CARD14: variants seen among roughly 807,000 people sequenced by gnomAD.
CARD14 encodes caspase recruitment domain family member 14, also known as caspase recruitment domain-containing protein 14.
Under a neutral mutation model 111.5 loss-of-function variants are expected in CARD14, and 107 were observed. The observed-to-expected ratio is 0.96, with a 90% CI of 0.82 to 1.13. The LOEUF (loss-of-function observed/expected upper bound fraction) is 1.13. Ranked by LOEUF, CARD14 falls within the 50% of genes most tolerant of loss-of-function variation. CARD14 has a pLI of 0.00. For missense variants in CARD14, 1,322 were observed against 1,362.3 expected, an observed-to-expected ratio of 0.97 and a Z score of 0.47; for synonymous variants, 617 against 579.6, an observed-to-expected ratio of 1.06 and a Z score of -0.93.
chr17:80,188,616 T>C lies in CARD14; in HGVS notation c.843+72T>C. ...CTTGGCCCTCAGGCTGTGGGGTTTCTGACAGGTGGTTTAGTTAAGGTGAGG... is the reference window on the plus strand; with the variant it reads ...CTTGGCCCTCAGGCTGTGGGGTTTCCGACAGGTGGTTTAGTTAAGGTGAGG... On this transcript the variant is annotated intron_variant, in intron 8 of 23. Transcript: ENST00000648509. This position sits in a 1 kb window ranked among gnomAD's most constrained non-coding sequence, Gnocchi z 4.5. 1 of 1,353,806 alleles carries C rather than the reference T, an allele frequency of 7.4e-7. No homozygotes were observed. Among genetic ancestry groups the C allele is most frequent in the Non-Finnish European group, 9.6e-7 (1 of 1,043,424 alleles). 83.9% of individuals were successfully genotyped at this position (1,353,806 alleles called of 1,614,324 possible). A position where few individuals can be genotyped will look rare whatever the true frequency, so the allele number is the denominator to read the frequency against.
In CARD14 at chr17:80,203,960, G is replaced by A; in HGVS notation, c.2283+75G>A. ...GGGCTCGGTGCTGGCAGGGTGGCAGGAGGCACTGTGTGGAGAGTGGGCTGC... is the reference window on the plus strand; with the variant it reads ...GGGCTCGGTGCTGGCAGGGTGGCAGAAGGCACTGTGTGGAGAGTGGGCTGC... On this transcript the variant is annotated intron_variant, in intron 19 of 23. Coordinates refer to ENST00000648509, the MANE Select transcript of CARD14 (RefSeq NM_001366385.1). This position sits in a 1 kb window ranked among gnomAD's most constrained non-coding sequence, Gnocchi z 4.6. 1 of 1,250,488 alleles carries A rather than the reference G, an allele frequency of 8.0e-7. No individual in the cohort carries two copies. The highest frequency in any genetic ancestry group is 1.1e-6 in the Non-Finnish European group (1 of 884,578). 77.5% of individuals were successfully genotyped at this position (1,250,488 alleles called of 1,614,324 possible).
intron 2 of CARD14, among the ~76,000 whole-genome samples, chr17:80,178,090 G>T (rs1420462421): frequency 1.3e-5 from 2 of 152,132 alleles, no homozygotes; most frequent in African/African-American, 4.8e-5. Flanking sequence ...GCCCTCGATT[G>T]GTTCTCCTCT....
In CARD14 at chr17:80,184,135, T is replaced by C; in HGVS notation, c.572T>C (p.Val191Ala). 1 of 1,569,066 alleles carries C rather than the reference T, an allele frequency of 6.4e-7. No homozygotes were observed. Among genetic ancestry groups the C allele is most frequent in the Non-Finnish European group, 8.6e-7 (1 of 1,157,386 alleles). The change falls in exon 7 of 24, where the codon GTG (valine) becomes GCG (alanine). Residue 191 changes from valine to alanine, a missense_variant. Physicochemically the swap from Val to Ala is moderately conservative, Grantham distance 64. Coordinates refer to ENST00000648509, the MANE Select transcript of CARD14 (RefSeq NM_001366385.1). ...GAGGTTAGCGCACACTTCCATGAGG[T>C]GCTGAGGCTGAAGGACGAGATGCTC... is the stretch of plus-strand genomic sequence containing the variant. ...KREVSAHFHE[V>A]LRLKDEMLSL...
intron 2 of CARD14, among the ~76,000 whole-genome samples, chr17:80,174,247 C>G (rs991740744): frequency 1.3e-5 from 2 of 152,202 alleles, no homozygotes; most frequent in African/African-American, 4.8e-5. Context: ...GAGTCTCGGT[C>G]TGTCTCCCTG....
chr17:80,199,829 T>C (rs1205522612), intron 16 of CARD14, among the ~76,000 whole-genome samples: 1 of 151,714 alleles, frequency 6.6e-6, no homozygotes, highest in Non-Finnish European at 1.5e-5. Flanking sequence ...TGAGCTGAGA[T>C]GGTGCCACTG....
In CARD14 at chr17:80,208,314, A is replaced by T. The variant is rs1034254088; in HGVS notation, c.2984A>T (p.Lys995Met). 2 of 1,606,008 alleles carry T rather than the reference A, an allele frequency of 1.2e-6. No individual in the cohort carries two copies. Among genetic ancestry groups the T allele is most frequent in the Admixed American group, 1.7e-5 (1 of 58,908 alleles). ...CAGGCCATCGCCGACGAGCAGAAGAAGGTGGTGTGGACGGAGCAGAGCCCC... is the reference window on the plus strand; with the variant it reads ...CAGGCCATCGCCGACGAGCAGAAGATGGTGGTGTGGACGGAGCAGAGCCCC... Reference protein sequence around the residue: ...VRQAIADEQKKVVWTEQSPR With the variant: ...VRQAIADEQKMVVWTEQSPR The change falls in exon 24 of 24, where the codon AAG (lysine) becomes ATG (methionine). Residue 995 changes from lysine (K) to methionine (M), a missense_variant. Physicochemically the swap from Lys to Met is moderately conservative, Grantham distance 95 (BLOSUM62 -1). Transcript: ENST00000648509.
chr17:80,208,362 C>T lies in CARD14; in HGVS notation c.*17C>T. ...CCCCGATGATGCACCGTGCCCCTTC[C>T]CGGGACTGTGGGGGCTTCTGTGTGC... On this transcript the variant is annotated 3_prime_UTR_variant, in exon 24 of 24. Coordinates refer to ENST00000648509, the MANE Select transcript of CARD14 (RefSeq NM_001366385.1). 1 of 1,568,978 alleles carries T rather than the reference C, an allele frequency of 6.4e-7. No individual in the cohort carries two copies. Among genetic ancestry groups the T allele is most frequent in the Non-Finnish European group, 8.7e-7 (1 of 1,154,040 alleles).
At chr17:80,194,599 T>C (rs1598664257) in intron 12 of CARD14, among the ~76,000 whole-genome samples, 1 of 152,220 alleles carries the variant, frequency 6.6e-6, no homozygotes, top group South Asian at 2.1e-4. Context: ...AGAAGTTTAA[T>C]TGACTCACAG....
At chr17:80,191,231 A>T in intron 10 of CARD14, 92 bp from the exon 11 acceptor site, 3 of 1,474,196 alleles carry the variant, frequency 2.0e-6, no homozygotes, top group Non-Finnish European at 2.8e-6. Flanking sequence ...TGGATGTCAG[A>T]TGAGCGCAGG....
chr17:80,206,453 A>G (rs1401476937), intron 22 of CARD14, among the ~76,000 whole-genome samples: 4 of 152,218 alleles, frequency 2.6e-5, no homozygotes, highest in Non-Finnish European at 5.9e-5. Context: ...CGTCTCTACA[A>G]AACATTTAAA....
At chr17:80,180,763 TTTGTG>T (rs2040146325) in intron 4 of CARD14, among the ~76,000 whole-genome samples, 1 of 98,806 alleles carries the variant, frequency 1.0e-5, no homozygotes, top group African/African-American at 3.9e-5. Context: ...TGTTTGTTTG[TTTGTG>T]TGTTTGTTTA....
intron 2 of CARD14, among the ~76,000 whole-genome samples, chr17:80,173,686 C>T (rs2039962322): frequency 6.6e-6 from 1 of 151,762 alleles, no homozygotes; most frequent in Non-Finnish European, 1.5e-5. Flanking sequence ...GCAACCTCTG[C>T]CTCCCAGGTT....
Position 80,188,636 on chromosome 17 carries a change from G to A in CARD14, c.843+92G>A, listed in dbSNP as rs1478140264. 3 of 1,273,580 alleles carry A rather than the reference G, an allele frequency of 2.4e-6. No individual in the cohort carries two copies. Among genetic ancestry groups the A allele is most frequent in the Non-Finnish European group, 2.0e-6 (2 of 981,840 alleles). The allele number at this position is 1,273,580 out of a possible 1,614,324, so 78.9% of individuals were successfully genotyped here. A position where few individuals can be genotyped will look rare whatever the true frequency, so the allele number is the denominator to read the frequency against. On this transcript the variant is annotated intron_variant, in intron 8 of 23. Coordinates refer to ENST00000648509, the MANE Select transcript of CARD14 (RefSeq NM_001366385.1). The surrounding 1 kb of genome is among the most constrained non-coding windows in gnomAD (Gnocchi z 4.5). ...GTTTCTGACAGGTGGTTTAGTTAAGGTGAGGCTAAGAACAAGAGATGAAAT... is the reference window on the plus strand; with the variant it reads ...GTTTCTGACAGGTGGTTTAGTTAAGATGAGGCTAAGAACAAGAGATGAAAT...
Position 80,191,472 on chromosome 17 carries a change from G to C in CARD14, c.1239G>C (p.Val413=), listed in dbSNP as rs1432580970. The C allele has an allele frequency of 6.2e-7, 1 of 1,611,236 alleles. No individual in the cohort carries two copies. Among genetic ancestry groups the C allele is most frequent in the South Asian group, 1.1e-5 (1 of 91,036 alleles). The change falls in exon 11 of 24, where the codon GTG becomes GTC. Residue 413 remains valine (V), a splice_region_variant and synonymous_variant. Transcript: ENST00000648509. ...AGCTGCAGGCAGAGCCTCCGGGTGT[G>C]GTGAGTGTTCCCGGCTGACCCGAGC... ...LRQLQAEPPG[V]LKQEARTREP...
intron 7 of CARD14, 118 bp downstream of exon 7, chr17:80,184,356 G>A: frequency 1.1e-6 from 1 of 906,330 alleles, no homozygotes; most frequent in Non-Finnish European, 1.5e-6. Flanking sequence ...ACACTTCCCT[G>A]CCCCGAGAGC....
At chr17:80,186,905 G>A (rs1200344778) in intron 7 of CARD14, among the ~76,000 whole-genome samples, 1 of 152,056 alleles carries the variant, frequency 6.6e-6, no homozygotes, top group Non-Finnish European at 1.5e-5. Context: ...TCACTACTAG[G>A]GTGTCTTTGC....
At position 80,205,068 on chromosome 17, in the gene CARD14, T is replaced by C. The variant is rs1350403084; in HGVS notation, c.2432T>C (p.Leu811Pro). 1.9e-6 allele frequency: 3 copies of C among 1,609,908 alleles called. No homozygotes were observed. Among genetic ancestry groups the C allele is most frequent in the Non-Finnish European group, 2.5e-6 (3 of 1,177,836 alleles). ...SSTCFWAESC[L>P]TLVPYTLVRP... The stretch of plus-strand genomic sequence containing the variant: ...ACGTGCTTCTGGGCCGAGAGCTGCC[T>C]CACCCTGGTGCCCTATACCCTGGTG... The change falls in exon 21 of 24, where the codon CTC becomes CCC. Residue 811 changes from leucine (L) to proline (P), a missense_variant. By Grantham distance (98) the Leu-to-Pro change is moderately conservative. Coordinates refer to ENST00000648509, the MANE Select transcript of CARD14 (RefSeq NM_001366385.1).
In CARD14 at chr17:80,198,557, A is replaced by G. The variant is rs971601757; in HGVS notation, c.1817A>G (p.Gln606Arg). Residue 606 changes from glutamine (Q) to arginine (R), a missense_variant, in exon 16 of 24, where the codon CAG becomes CGG. Gln to Arg is a conservative substitution (Grantham distance 43). Coordinates refer to ENST00000648509, the MANE Select transcript of CARD14 (RefSeq NM_001366385.1). The surrounding 1 kb of genome is among the most constrained non-coding windows in gnomAD (Gnocchi z 7.5). The part of the protein sequence containing the change: ...HRVTPGSAAD[Q>R]MALRPGTQIV... ...GTCACCCCGGGCTCGGCGGCGGACC[A>G]GATGGCCTTGCGCCCGGGCACCCAG... 9 of 1,612,962 alleles carry G rather than the reference A, an allele frequency of 5.6e-6. No homozygotes were observed. The highest frequency in any genetic ancestry group is 7.6e-6 in the Non-Finnish European group (9 of 1,179,844).
Position 80,189,974 on chromosome 17 carries a change from C to G in CARD14, c.963+102C>G, listed in dbSNP as rs1010951614. 3.1e-5 allele frequency: 46 copies of G among 1,465,214 alleles called. No homozygotes were observed. In the African/African-American group the frequency reaches 5.9e-4, roughly 19 times the overall value. The allele number at this position is 1,465,214 out of a possible 1,614,324, so 90.8% of individuals were successfully genotyped here. ...CAGATTCCTTCATCCACGCCGAGCT[C>G]ACATAATTTTGCTGAACGAATCTGT... On this transcript the variant is annotated intron_variant, in intron 9 of 23. Transcript: ENST00000648509. The surrounding 1 kb of genome is among the most constrained non-coding windows in gnomAD (Gnocchi z 4.7).
Sources: allele counts gnomAD v4.1 joint callset (sites outside exome capture counted in the v4.1 genomes callset), GRCh38; gene constraint gnomAD v4.1.1; non-coding constraint Gnocchi (gnomAD v3.1); transcripts MANE v1.5; gene names NCBI Gene and HGNC (gene_info 2026-07-23, HGNC 2026-07-21).